Variants in TTC29 observed in about 807,000 individuals in gnomAD.
TTC29 encodes tetratricopeptide repeat domain 29.
In TTC29, 49 loss-of-function variants were observed where a neutral mutation model predicts 58.1. The ratio of observed to expected loss-of-function variants is 0.84; its 90% CI spans 0.67 to 1.07. TTC29 has a LOEUF of 1.07. Ranked by LOEUF, TTC29 falls within the 50% of genes least tolerant of loss-of-function variation. TTC29 has a pLI of 0.00. For missense variants in TTC29, 582 were observed against 555.6 expected, an observed-to-expected ratio of 1.05 and a Z score of -0.48; for synonymous variants, 209 against 196.8, an observed-to-expected ratio of 1.06 and a Z score of -0.52.
At chr4:146,765,859 A>G (rs908776644) in intron 11 of TTC29, among the ~76,000 whole-genome samples, 1 of 152,142 alleles carries the variant, frequency 6.6e-6, no homozygotes, top group Non-Finnish European at 1.5e-5. Flanking sequence ...ATATAAATCA[A>G]CTGTCAATAA....
chr4:146,745,376 G>A (rs963536099), intron 11 of TTC29, among the ~76,000 whole-genome samples: 2 of 152,234 alleles, frequency 1.3e-5, no homozygotes, highest in Non-Finnish European at 2.9e-5. Context: ...TCATGGAGCT[G>A]AGGCTGGCAC....
Position 146,737,590 on chromosome 4 carries a change from T to TGGGG in TTC29, c.1331-30043_1331-30040dup, listed in dbSNP as rs56346604. Among the ~76,000 whole-genome samples, 12 of 94,010 alleles carry TGGGG rather than the reference T, an allele frequency of 1.3e-4. No homozygotes were observed. The South Asian group carries it at 2.4e-3, about 18-fold the overall frequency. 61.7% of individuals were successfully genotyped at this position (94,010 alleles called of 152,430 possible). On this transcript the variant is annotated intron_variant, in intron 11 of 12. Transcript: ENST00000325106. ...CAAGTGAGGCTGATGCTAGTAGCCC[T>TGGGG]GGGGGGGGGGGGGCTACAAACGGGT...
chr4:146,849,561 G>A (rs1194085774), intron 8 of TTC29, among the ~76,000 whole-genome samples: 1 of 152,076 alleles, frequency 6.6e-6, no homozygotes, highest in East Asian at 1.9e-4. Flanking sequence ...TTGCCTATTA[G>A]CAGCTGCTAT....
chr4:146,852,948 T>C (rs942966842), intron 8 of TTC29, among the ~76,000 whole-genome samples: 7 of 152,214 alleles, frequency 4.6e-5, no homozygotes, highest in Non-Finnish European at 8.8e-5. Flanking sequence ...TAAATTCTTT[T>C]ATTACTTGTT....
chr4:146,938,640 T>C (rs921083191), intron 3 of TTC29, among the ~76,000 whole-genome samples: 1 of 152,168 alleles, frequency 6.6e-6, no homozygotes, highest in Admixed American at 6.5e-5. Flanking sequence ...TTCTCCGCTA[T>C]AGGAAAAGAA....
chr4:146,817,559 C>T (rs1188125621), intron 10 of TTC29, among the ~76,000 whole-genome samples: 2 of 152,180 alleles, frequency 1.3e-5, no homozygotes, highest in African/African-American at 2.4e-5. Flanking sequence ...CAATGACTTT[C>T]TTCACAGAAT....
intron 8 of TTC29, among the ~76,000 whole-genome samples, chr4:146,838,839 T>C (rs760117187): frequency 2.0e-5 from 3 of 152,056 alleles, no homozygotes; most frequent in African/African-American, 4.8e-5. Flanking sequence ...CTCTCTTATA[T>C]ACCTTTATTT....
At chr4:146,942,622 A>G (rs1580052384) in intron 2 of TTC29, 2 of 1,533,990 alleles carry the variant, frequency 1.3e-6, no homozygotes, top group East Asian at 2.4e-5. Flanking sequence ...AGAGTTCCAG[A>G]GTCTTCCAAT....
In TTC29 at chr4:146,901,265, A is replaced by G. The variant is rs1579945544; in HGVS notation, c.586+2279T>C. Among the ~76,000 whole-genome samples, 3 of 152,326 alleles carry G rather than the reference A, an allele frequency of 2.0e-5. No individual in the cohort carries two copies. In the South Asian group the frequency reaches 6.2e-4, roughly 32 times the overall value. On this transcript the variant is annotated intron_variant, in intron 6 of 12. Coordinates refer to ENST00000325106, the MANE Select transcript of TTC29 (RefSeq NM_031956.4). Reference sequence around the variant, plus strand: ...TTTCTGATATAACTTCTCAATTTATAGTAAGCCATATCTCCCCAGTGTGTA... The same window carrying G: ...TTTCTGATATAACTTCTCAATTTATGGTAAGCCATATCTCCCCAGTGTGTA...
intron 8 of TTC29, among the ~76,000 whole-genome samples, chr4:146,866,482 G>A (rs1269082220): frequency 6.6e-6 from 1 of 151,954 alleles, no homozygotes; most frequent in African/African-American, 2.4e-5. Context: ...TCTTCCCTTT[G>A]CACTTAAAAA....
At chr4:146,817,074 C>T (rs1020459479) in intron 10 of TTC29, among the ~76,000 whole-genome samples, 7 of 152,296 alleles carry the variant, frequency 4.6e-5, no homozygotes, top group African/African-American at 1.7e-4. Context: ...GTTGGAAGTT[C>T]TGGCCAGGGC....
chr4:146,935,857 T>G (rs1030343211), intron 4 of TTC29, among the ~76,000 whole-genome samples: 2 of 152,236 alleles, frequency 1.3e-5, no homozygotes, highest in African/African-American at 4.8e-5. Flanking sequence ...AGTAATTCCC[T>G]GGCTAACAGA....
chr4:146,714,612 A>C (rs867416918), intron 11 of TTC29, among the ~76,000 whole-genome samples: 10 of 151,932 alleles, frequency 6.6e-5, no homozygotes, highest in African/African-American at 1.4e-4. Flanking sequence ...AAAAAAAAAA[A>C]CCTATAAAAT....
chr4:146,818,272 A>C (rs1372910657), intron 10 of TTC29, among the ~76,000 whole-genome samples: 1 of 152,236 alleles, frequency 6.6e-6, no homozygotes, highest in African/African-American at 2.4e-5. Context: ...AAGTGGGCAA[A>C]GGATATGAAC....
chr4:146,942,586 C>T (rs1295250754), intron 2 of TTC29: 4 of 1,532,106 alleles, frequency 2.6e-6, no homozygotes, highest in Non-Finnish European at 3.5e-6. Context: ...GAGCTTACTT[C>T]AGAGGAGCTG....
intron 8 of TTC29, among the ~76,000 whole-genome samples, chr4:146,864,473 AAATT>A (rs1340822483): frequency 1.3e-5 from 2 of 152,206 alleles, no homozygotes; most frequent in African/African-American, 4.8e-5. Flanking sequence ...AACTTTACAT[AAATT>A]ATCTCTTATT....
intron 8 of TTC29, among the ~76,000 whole-genome samples, chr4:146,861,531 A>T (rs939635275): frequency 6.6e-6 from 1 of 152,150 alleles, no homozygotes; most frequent in Non-Finnish European, 1.5e-5. Flanking sequence ...TCCTAAATAA[A>T]TCTATTATTT....
At chr4:146,793,555 G>A (rs1749622395) in intron 11 of TTC29, among the ~76,000 whole-genome samples, 1 of 152,048 alleles carries the variant, frequency 6.6e-6, no homozygotes, top group African/African-American at 2.4e-5. Context: ...TATGTACTAA[G>A]AAACCAAATA....
At chr4:146,867,335 A>C (rs1275073236) in intron 8 of TTC29, among the ~76,000 whole-genome samples, 163 bp downstream of exon 8, 1 of 152,196 alleles carries the variant, frequency 6.6e-6, no homozygotes, top group African/African-American at 2.4e-5. Context: ...ACCGATTTTT[A>C]AAATGCTTCT....
Sources: allele counts gnomAD v4.1 joint callset (sites outside exome capture counted in the v4.1 genomes callset), GRCh38; gene constraint gnomAD v4.1.1; transcripts MANE v1.5; gene names NCBI Gene and HGNC (gene_info 2026-07-23, HGNC 2026-07-21).